TENT4B: variants seen among roughly 807,000 people sequenced by gnomAD.
The protein encoded by TENT4B is PAP associated domain containing 5.
TENT4B carries 10 observed loss-of-function variants against 75.0 expected under a neutral mutation model. The ratio of observed to expected loss-of-function variants is 0.13; its 90% CI spans 0.08 to 0.23. The LOEUF is 0.23. Among genes scored for constraint, TENT4B ranks in the 10% least tolerant of loss-of-function variants. The pLI is 1.00. For synonymous variants in TENT4B, 350 were observed against 357.7 expected (o/e 0.98, Z 0.24); for missense variants, 579 against 893.8 (o/e 0.65, Z 4.49).
chr16:50,207,209 T>C (rs2031031875), intron 1 of TENT4B, among the ~76,000 whole-genome samples: 1 of 151,974 alleles, frequency 6.6e-6, no homozygotes, highest in Non-Finnish European at 1.5e-5. Flanking sequence ...TGAGACGGAG[T>C]CTTGCTCTGT....
intron 1 of TENT4B, among the ~76,000 whole-genome samples, chr16:50,164,081 C>T (rs542818658): frequency 3.9e-5 from 6 of 152,022 alleles, no homozygotes; most frequent in East Asian, 3.9e-4. Flanking sequence ...CACTTGAACC[C>T]GGCCGGTGGA....
At chr16:50,158,259 G>A (rs150548253) in intron 1 of TENT4B, among the ~76,000 whole-genome samples, 2,058 of 152,160 alleles carry the variant, frequency 0.014, 57 homozygotes, top group African/African-American at 0.047. Flanking sequence ...GGTAATTTTT[G>A]TATTTTTAGT....
chr16:50,179,664 C>T (rs1368974097), intron 1 of TENT4B, among the ~76,000 whole-genome samples: 1 of 152,178 alleles, frequency 6.6e-6, no homozygotes, highest in Non-Finnish European at 1.5e-5. Flanking sequence ...ATCAAAGGAT[C>T]TTCAGAGGTG....
At chr16:50,185,238 A>G (rs1305777148) in intron 1 of TENT4B, among the ~76,000 whole-genome samples, 1 of 152,222 alleles carries the variant, frequency 6.6e-6, no homozygotes, top group African/African-American at 2.4e-5. Flanking sequence ...GTGTATTACT[A>G]GCCTAGTAGG....
chr16:50,226,630 G>A (rs746609881), intron 10 of TENT4B, among the ~76,000 whole-genome samples: 16 of 151,694 alleles, frequency 1.1e-4, no homozygotes, highest in African/African-American at 2.9e-4. Flanking sequence ...GGGTTTCACC[G>A]TGGTCTTGAT....
intron 1 of TENT4B, among the ~76,000 whole-genome samples, chr16:50,180,494 G>A (rs1236773177): frequency 6.6e-6 from 1 of 152,148 alleles, no homozygotes; most frequent in Non-Finnish European, 1.5e-5. Flanking sequence ...ATCACTTGAG[G>A]CCAGGAGTTC....
At position 50,177,423 on chromosome 16, in the gene TENT4B, A is replaced by T. The variant is rs140747092; in HGVS notation, c.638+23164A>T. On this transcript the variant is annotated intron_variant, in intron 1 of 11. Coordinates refer to ENST00000561678, the MANE Select transcript of TENT4B (RefSeq NM_001365324.3). The stretch of plus-strand genomic sequence containing the variant: ...CAATTTCCTTAATAGATAAAGGTGC[A>T]TTGAGATTGTCTTTTCTTCTTGGGT... Among the ~76,000 whole-genome samples, 563 of 152,312 alleles carry T rather than the reference A, an allele frequency of 3.7e-3. 6 individuals carry two copies. Among genetic ancestry groups the T allele is most frequent in the South Asian group, 0.014 (70 of 4,830 alleles).
chr16:50,196,860 C>T (rs1377834288), intron 1 of TENT4B, among the ~76,000 whole-genome samples: 2 of 151,438 alleles, frequency 1.3e-5, no homozygotes, highest in Non-Finnish European at 2.9e-5. Flanking sequence ...TGCTTGAGCC[C>T]AGGAAGTAAA....
intron 1 of TENT4B, among the ~76,000 whole-genome samples, chr16:50,168,042 C>G (rs1321977767): frequency 6.6e-6 from 1 of 151,514 alleles, no homozygotes; most frequent in Non-Finnish European, 1.5e-5. Flanking sequence ...GTCCCAGAAC[C>G]ATTTGTTGAA....
chr16:50,215,546 C>G (rs979365587), intron 3 of TENT4B, among the ~76,000 whole-genome samples: 2 of 152,224 alleles, frequency 1.3e-5, no homozygotes, highest in Non-Finnish European at 2.9e-5. Context: ...GGAAAAGTCT[C>G]AGTCCCACCT....
At position 50,233,642 on chromosome 16, in the gene TENT4B, T is replaced by G. The variant is rs1231913465; in HGVS notation, c.*4314T>G. The stretch of plus-strand genomic sequence containing the variant: ...TAAATATTTGAGGACAGTTTTTAGT[T>G]AATAAACTGCTAATGTTTATTTTAC... On this transcript the variant is annotated 3_prime_UTR_variant, in exon 12 of 12. Coordinates refer to ENST00000561678, the MANE Select transcript of TENT4B (RefSeq NM_001365324.3). 1.1e-5 allele frequency: 11 copies of G among 983,488 alleles called. No homozygotes were observed. The highest frequency in any genetic ancestry group is 1.7e-5 in the African/African-American group (1 of 57,218). 60.9% of individuals were successfully genotyped at this position (983,488 alleles called of 1,614,324 possible).
At chr16:50,214,149 A>G (rs2031428556) in intron 2 of TENT4B, 72 bp from the exon 3 acceptor site, 1 of 1,206,852 alleles carries the variant, frequency 8.3e-7, no homozygotes, top group African/African-American at 1.5e-5. Flanking sequence ...ACATTTCTCC[A>G]TATCTTGGTG....
chr16:50,185,895 C>T (rs2038516477), intron 1 of TENT4B, among the ~76,000 whole-genome samples: 1 of 152,092 alleles, frequency 6.6e-6, no homozygotes, highest in Admixed American at 6.5e-5. Context: ...ATGTTTACAT[C>T]TATTAGTACA....
chr16:50,174,839 G>A (rs1478654140), intron 1 of TENT4B, among the ~76,000 whole-genome samples: 2 of 148,896 alleles, frequency 1.3e-5, no homozygotes, highest in African/African-American at 2.5e-5. Context: ...CGCCTCCCAG[G>A]TTTAAGCAAT....
At chr16:50,156,259 A>G (rs1367729653) in intron 1 of TENT4B, among the ~76,000 whole-genome samples, 2 of 151,954 alleles carry the variant, frequency 1.3e-5, no homozygotes, top group Admixed American at 1.3e-4. Context: ...GAGACCTCCT[A>G]GTTTCAAAAA....
intron 1 of TENT4B, among the ~76,000 whole-genome samples, chr16:50,157,246 G>A (rs908577364): frequency 2.0e-5 from 3 of 152,158 alleles, no homozygotes; most frequent in Admixed American, 2.0e-4. Flanking sequence ...TCTCGCAGCT[G>A]TCTTTTGTGT....
At chr16:50,166,691 T>G (rs1253529539) in intron 1 of TENT4B, among the ~76,000 whole-genome samples, 1 of 151,850 alleles carries the variant, frequency 6.6e-6, no homozygotes, top group East Asian at 1.9e-4. Context: ...CACTGCAACC[T>G]CTGCCCCCAC....
chr16:50,227,828 A>G lies in TENT4B; in HGVS notation c.1801-11A>G, dbSNP rs746671560. On this transcript the variant is annotated splice_polypyrimidine_tract_variant and intron_variant, in intron 10 of 11. Transcript: ENST00000561678. ...AATATGTCACATTATAACTCACGTG[A>G]CTTGTGTTAGGATTCCGATGCAACA... The G allele has an allele frequency of 6.2e-7, 1 of 1,613,662 alleles. No individual in the cohort carries two copies. Among genetic ancestry groups the G allele is most frequent in the Middle Eastern group, 1.6e-4 (1 of 6,062 alleles).
chr16:50,229,551 A>G lies in TENT4B; in HGVS notation c.*223A>G, dbSNP rs2032208971. The G allele has an allele frequency of 3.2e-6, 4 of 1,263,776 alleles. No homozygotes were observed. Among genetic ancestry groups the G allele is most frequent in the Non-Finnish European group, 4.0e-6 (4 of 1,008,472 alleles). The allele number at this position is 1,263,776 out of a possible 1,614,324, so 78.3% of individuals were successfully genotyped here. A position where few individuals can be genotyped will look rare whatever the true frequency, so the allele number is the denominator to read the frequency against. On this transcript the variant is annotated 3_prime_UTR_variant, in exon 12 of 12. Coordinates refer to ENST00000561678, the MANE Select transcript of TENT4B (RefSeq NM_001365324.3). ...AGCAAGCAAAAAAGAGGGAAAAAAA[A>G]GGCTGCTTATTTGATAAGTCATATG... is the stretch of plus-strand genomic sequence containing the variant.
Sources: allele counts gnomAD v4.1 joint callset (sites outside exome capture counted in the v4.1 genomes callset), GRCh38; gene constraint gnomAD v4.1.1; transcripts MANE v1.5; gene names NCBI Gene and HGNC (gene_info 2026-07-23, HGNC 2026-07-21).